Variants in SLC25A33 observed in about 807,000 individuals in gnomAD.
SLC25A33 encodes the protein solute carrier family 25 member 33, also known as bone marrow stromal cell mitochondrial carrier protein.
A neutral mutation model predicts 35.5 loss-of-function variants in SLC25A33; 15 were observed. The observed-to-expected ratio is 0.42, with a 90% CI of 0.28 to 0.65. The LOEUF (loss-of-function observed/expected upper bound fraction) is 0.65. SLC25A33 is among the 30% of genes least tolerant of loss of function. SLC25A33 has a pLI of 0.20. For synonymous variants in SLC25A33, 136 were observed against 148.7 expected (o/e 0.91, Z 0.62); for missense variants, 257 against 398.5 (o/e 0.64, Z 3.02).
At chr1:9,570,948 A>G (rs1033125929) in intron 4 of SLC25A33, among the ~76,000 whole-genome samples, 3 of 151,998 alleles carry the variant, frequency 2.0e-5, no homozygotes, top group African/African-American at 7.2e-5. Context: ...CCTGACCTCA[A>G]GTGATCCACC....
At chr1:9,568,965 GCT>G (rs1294329112) in intron 3 of SLC25A33, among the ~76,000 whole-genome samples, 1 of 151,986 alleles carries the variant, frequency 6.6e-6, no homozygotes, top group East Asian at 1.9e-4. Context: ...ACATAAATCG[GCT>G]GGGCGCAGTA....
rs1213895921 is a variant in SLC25A33 at position 9,583,574 on chromosome 1, G to A, written c.*1073G>A. 1 of 152,168 alleles carries A rather than the reference G, an allele frequency of 6.6e-6. No individual in the cohort carries two copies. Among genetic ancestry groups the A allele is most frequent in the Non-Finnish European group, 1.5e-5 (1 of 68,054 alleles). 9.4% of individuals were successfully genotyped at this position (152,168 alleles called of 1,614,324 possible). ...TGAATCCAGAATGTGATGAAGAACAGTCATTCCCACTGAGGTCTTTAGCCC... is the reference window on the plus strand; with the variant it reads ...TGAATCCAGAATGTGATGAAGAACAATCATTCCCACTGAGGTCTTTAGCCC... On this transcript the variant is annotated 3_prime_UTR_variant, in exon 7 of 7. Coordinates refer to ENST00000302692, the MANE Select transcript of SLC25A33 (RefSeq NM_032315.3).
At chr1:9,551,632 G>C (rs967972391) in intron 1 of SLC25A33, among the ~76,000 whole-genome samples, 21 of 152,088 alleles carry the variant, frequency 1.4e-4, no homozygotes, top group African/African-American at 4.3e-4. Context: ...TGCCTGCTAC[G>C]CTCTAGTTGC....
At chr1:9,571,738 A>G (rs1643593389) in intron 4 of SLC25A33, among the ~76,000 whole-genome samples, 1 of 152,030 alleles carries the variant, frequency 6.6e-6, no homozygotes, top group Admixed American at 6.6e-5. Flanking sequence ...CCTGGGCTCA[A>G]GCCATCCCTC....
At position 9,564,749 on chromosome 1, in the gene SLC25A33, T is replaced by A. The variant is rs1283611820; in HGVS notation, c.237-2535T>A. On this transcript the variant is annotated intron_variant, in intron 2 of 6. Transcript: ENST00000302692. ...TTAAAAAAAAAAAAAAATATATATA[T>A]ATATATATATATATATACACAAAAA... Among the ~76,000 whole-genome samples, 562 of 125,860 alleles carry A rather than the reference T, an allele frequency of 4.5e-3. 12 individuals are homozygous for A. The East Asian group carries it at 0.046, about 10-fold the overall frequency. The allele number at this position is 125,860 out of a possible 152,430, so 82.6% of individuals were successfully genotyped here.
intron 2 of SLC25A33, among the ~76,000 whole-genome samples, chr1:9,557,720 T>G (rs1643366372): frequency 2.0e-5 from 3 of 152,156 alleles, no homozygotes; most frequent in Admixed American, 6.6e-5. Context: ...AAAATGTATT[T>G]GGGAAATGTT....
At chr1:9,565,749 G>T (rs1356800077) in intron 2 of SLC25A33, among the ~76,000 whole-genome samples, 1 of 151,022 alleles carries the variant, frequency 6.6e-6, no homozygotes, top group East Asian at 2.0e-4. Context: ...GTGGTGGCGG[G>T]TGCCTGTAGT....
chr1:9,540,948 C>T (rs1239976152), intron 1 of SLC25A33, among the ~76,000 whole-genome samples: 2 of 152,022 alleles, frequency 1.3e-5, no homozygotes, highest in Non-Finnish European at 2.9e-5. Context: ...TCATTCATTC[C>T]CTTGCAACCC....
At position 9,579,937 on chromosome 1, in the gene SLC25A33, T is replaced by G; in HGVS notation, c.483-17T>G. The G allele has an allele frequency of 6.2e-7, 1 of 1,603,426 alleles. No individual in the cohort carries two copies. Among genetic ancestry groups the G allele is most frequent in the Non-Finnish European group, 8.5e-7 (1 of 1,175,468 alleles). ...GATATGTCTCCTTAACAGCCTGTGT[T>G]GGTCTCTTTTATGCAGAGTGAGGGG... On this transcript the variant is annotated splice_polypyrimidine_tract_variant and intron_variant, in intron 5 of 6. Transcript: ENST00000302692.
At position 9,556,159 on chromosome 1, in the gene SLC25A33, G is replaced by C; in HGVS notation, c.236+2354G>C. On this transcript the variant is annotated intron_variant, in intron 2 of 6. Coordinates refer to ENST00000302692, the MANE Select transcript of SLC25A33 (RefSeq NM_032315.3). ...ATGGGACTGTGAGAACACTCCTCCTGCTTTGCCTTTTCACATGCTTAGGCG... is the reference window on the plus strand; with the variant it reads ...ATGGGACTGTGAGAACACTCCTCCTCCTTTGCCTTTTCACATGCTTAGGCG... 3 of 984,572 alleles carry C rather than the reference G, an allele frequency of 3.0e-6. No homozygotes were observed. In the South Asian group the frequency reaches 1.4e-4, roughly 46 times the overall value. The allele number at this position is 984,572 out of a possible 1,614,324, so 61.0% of individuals were successfully genotyped here. A position where few individuals can be genotyped will look rare whatever the true frequency, so the allele number is the denominator to read the frequency against.
intron 1 of SLC25A33, among the ~76,000 whole-genome samples, 171 bp from the exon 2 acceptor site, chr1:9,553,455 G>A (rs1051750234): frequency 2.6e-5 from 4 of 151,658 alleles, no homozygotes; most frequent in South Asian, 2.1e-4. Context: ...GGATGGTCTC[G>A]ATCTGCTGAC....
intron 2 of SLC25A33, among the ~76,000 whole-genome samples, chr1:9,564,085 C>A (rs907842519): frequency 2.6e-5 from 4 of 152,092 alleles, no homozygotes; most frequent in Non-Finnish European, 5.9e-5. Context: ...TTAGAGAAGA[C>A]CATTATATAA....
At chr1:9,560,145 G>T (rs1171191734) in intron 2 of SLC25A33, among the ~76,000 whole-genome samples, 1 of 151,882 alleles carries the variant, frequency 6.6e-6, no homozygotes, top group Non-Finnish European at 1.5e-5. Context: ...CCAGCTTCTC[G>T]GGAGGGTGAG....
At chr1:9,570,007 TC>T (rs1388383204) in intron 3 of SLC25A33, among the ~76,000 whole-genome samples, 2 of 152,222 alleles carry the variant, frequency 1.3e-5, no homozygotes, top group Non-Finnish European at 1.5e-5. Flanking sequence ...GTAGATGTCT[TC>T]CCCAAATCTC....
At chr1:9,553,068 T>C (rs1221599616) in intron 1 of SLC25A33, among the ~76,000 whole-genome samples, 1 of 151,264 alleles carries the variant, frequency 6.6e-6, no homozygotes, top group African/African-American at 2.4e-5. Context: ...ATTTTTGTAT[T>C]TTTAGTAGAG....
At chr1:9,577,013 C>A (rs927460409) in intron 5 of SLC25A33, 16 of 947,726 alleles carry the variant, frequency 1.7e-5, no homozygotes, top group South Asian at 2.6e-5. Flanking sequence ...GCTACAGAAA[C>A]AACATGCTGG....
intron 6 of SLC25A33, among the ~76,000 whole-genome samples, chr1:9,580,462 C>T (rs1177789955): frequency 2.0e-5 from 3 of 152,200 alleles, no homozygotes. Flanking sequence ...TGTGCAGAAA[C>T]GCAGGTCCTG....
intron 4 of SLC25A33, among the ~76,000 whole-genome samples, chr1:9,571,572 C>T (rs770352566): frequency 3.3e-5 from 5 of 152,052 alleles, no homozygotes; most frequent in Admixed American, 1.3e-4. Context: ...CCACCCCACC[C>T]GGCCGAGAAG....
intron 2 of SLC25A33, among the ~76,000 whole-genome samples, chr1:9,555,668 T>C (rs1234827057): frequency 2.0e-5 from 3 of 151,534 alleles, no homozygotes; most frequent in Non-Finnish European, 2.9e-5. Context: ...CCAGGAGAAA[T>C]TGGGGTTTTT....
Sources: gnomAD v4.1 joint callset for allele counts (sites outside exome capture counted in the v4.1 genomes callset) on GRCh38, gnomAD v4.1.1 for gene constraint, MANE v1.5 for transcripts, NCBI Gene and HGNC (gene_info 2026-07-23, HGNC 2026-07-21) for gene names.